SLC24A3: variants seen among roughly 807,000 people sequenced by gnomAD.
SLC24A3 encodes the protein solute carrier family 24 member 3, also known as sodium/potassium/calcium exchanger 3.
A neutral mutation model predicts 75.8 loss-of-function variants in SLC24A3; 28 were observed. The observed-to-expected ratio is 0.37, with a 90% CI of 0.27 to 0.51. SLC24A3 has a LOEUF of 0.51. SLC24A3 is among the 20% of genes least tolerant of loss of function. The pLI, the probability that SLC24A3 is intolerant of heterozygous loss-of-function variation, is 0.94. For missense variants in SLC24A3, 663 were observed against 847.8 expected, an observed-to-expected ratio of 0.78 and a Z score of 2.71; for synonymous variants, 372 against 334.1, an observed-to-expected ratio of 1.11 and a Z score of -1.24.
chr20:19,698,564 G>C lies in SLC24A3; in HGVS notation c.1607-4G>C, dbSNP rs931328457. ...CTCTCTTAAGTGACCTCTTGTCCCTGCAGGGATGGGGGACATGGCTGTGTC... is the reference window on the plus strand; with the variant it reads ...CTCTCTTAAGTGACCTCTTGTCCCTCCAGGGATGGGGGACATGGCTGTGTC... On this transcript the variant is annotated splice_polypyrimidine_tract_variant and splice_region_variant and intron_variant, in intron 14 of 16. Transcript: ENST00000328041. 1 of 1,572,314 alleles carries C rather than the reference G, an allele frequency of 6.4e-7. No homozygotes were observed. Among genetic ancestry groups the C allele is most frequent in the South Asian group, 1.2e-5 (1 of 86,110 alleles).
chr20:19,519,049 C>T (rs770799222), intron 3 of SLC24A3, among the ~76,000 whole-genome samples: 3 of 152,170 alleles, frequency 2.0e-5, no homozygotes, highest in Non-Finnish European at 4.4e-5. Flanking sequence ...CAAGAGAGGG[C>T]CATGGGGCTG....
chr20:19,680,542 A>G (rs1331471573), intron 9 of SLC24A3, among the ~76,000 whole-genome samples: 2 of 152,080 alleles, frequency 1.3e-5, no homozygotes, highest in Non-Finnish European at 2.9e-5. Context: ...TGCATCCATT[A>G]TTTCGTTTGG....
At chr20:19,414,402 A>C (rs1397309755) in intron 2 of SLC24A3, among the ~76,000 whole-genome samples, 2 of 152,236 alleles carry the variant, frequency 1.3e-5, no homozygotes, top group Non-Finnish European at 2.9e-5. Flanking sequence ...CAAAGAGTCA[A>C]AGTGCACCAA....
intron 1 of SLC24A3, among the ~76,000 whole-genome samples, chr20:19,245,953 TTAAGG>T (rs1982473914): frequency 6.6e-6 from 1 of 152,112 alleles, no homozygotes; most frequent in Admixed American, 6.5e-5. Context: ...AATAAAGTCT[TTAAGG>T]TATAGAAGAT....
At chr20:19,571,887 T>G (rs1335474272) in intron 3 of SLC24A3, among the ~76,000 whole-genome samples, 1 of 152,190 alleles carries the variant, frequency 6.6e-6, no homozygotes, top group Non-Finnish European at 1.5e-5. Context: ...CCCTTCACAA[T>G]CTTCCTTAAC....
intron 1 of SLC24A3, among the ~76,000 whole-genome samples, chr20:19,223,142 A>T (rs1359840585): frequency 6.6e-6 from 1 of 152,066 alleles, no homozygotes; most frequent in Non-Finnish European, 1.5e-5. Flanking sequence ...AAAATACAAA[A>T]TTAACTGGGT....
chr20:19,484,782 C>A (rs73275253), intron 2 of SLC24A3, among the ~76,000 whole-genome samples: 3,504 of 152,204 alleles, frequency 0.023, 149 homozygotes, highest in African/African-American at 0.078. Context: ...CATGAATATA[C>A]TTTAGACTAC....
At chr20:19,325,997 G>C (rs1984851664) in intron 2 of SLC24A3, among the ~76,000 whole-genome samples, 1 of 151,902 alleles carries the variant, frequency 6.6e-6, no homozygotes, top group Admixed American at 6.6e-5. Context: ...CATGAGGTCA[G>C]GTGTGGTATT....
intron 2 of SLC24A3, among the ~76,000 whole-genome samples, chr20:19,454,244 G>T (rs1208489760): frequency 3.9e-5 from 6 of 152,166 alleles, no homozygotes; most frequent in African/African-American, 1.4e-4. Flanking sequence ...GAGTAGCCGG[G>T]GAAGACCCAT....
chr20:19,457,360 A>C (rs1987596244), intron 2 of SLC24A3, among the ~76,000 whole-genome samples: 1 of 152,232 alleles, frequency 6.6e-6, no homozygotes, highest in South Asian at 2.1e-4. Context: ...GGTCATTTTC[A>C]AGGAACATTT....
intron 2 of SLC24A3, among the ~76,000 whole-genome samples, chr20:19,462,317 T>C (rs1173423066): frequency 6.6e-6 from 1 of 151,498 alleles, no homozygotes; most frequent in Non-Finnish European, 1.5e-5. Flanking sequence ...TGGAGTGCAG[T>C]GGCACGATCT....
At chr20:19,481,650 A>G (rs1195149020) in intron 2 of SLC24A3, among the ~76,000 whole-genome samples, 1 of 152,090 alleles carries the variant, frequency 6.6e-6, no homozygotes, top group Admixed American at 6.5e-5. Flanking sequence ...GGATGAGCAG[A>G]GTTTGATGTT....
intron 9 of SLC24A3, among the ~76,000 whole-genome samples, chr20:19,677,298 A>AAG (rs1382033425): frequency 1.3e-5 from 2 of 151,992 alleles, no homozygotes; most frequent in African/African-American, 4.8e-5. Context: ...CGTTCCAAAA[A>AAG]AAAAAAAAAA....
chr20:19,714,544 C>T (rs1353428490), intron 15 of SLC24A3, among the ~76,000 whole-genome samples: 1 of 152,118 alleles, frequency 6.6e-6, no homozygotes, highest in Non-Finnish European at 1.5e-5. Context: ...CTGCCTGTCA[C>T]ATCCTGGTGG....
chr20:19,389,228 C>G (rs1986326023), intron 2 of SLC24A3, among the ~76,000 whole-genome samples: 2 of 152,012 alleles, frequency 1.3e-5, no homozygotes, highest in Admixed American at 1.3e-4. Context: ...TGTCTTTTAA[C>G]TGTTACACTG....
chr20:19,371,921 A>C (rs981654522), intron 2 of SLC24A3, among the ~76,000 whole-genome samples: 1 of 152,068 alleles, frequency 6.6e-6, no homozygotes, highest in African/African-American at 2.4e-5. Flanking sequence ...GCTTCCTCAG[A>C]CTTCTCTGTG....
At chr20:19,534,174 G>T (rs925915738) in intron 3 of SLC24A3, among the ~76,000 whole-genome samples, 4 of 152,250 alleles carry the variant, frequency 2.6e-5, no homozygotes, top group African/African-American at 4.8e-5. Flanking sequence ...TGTAAATATA[G>T]AATGTTGGCA....
chr20:19,657,123 C>A (rs893157339), intron 7 of SLC24A3, among the ~76,000 whole-genome samples: 2 of 152,206 alleles, frequency 1.3e-5, no homozygotes, highest in Non-Finnish European at 2.9e-5. Context: ...TGATTCTTTG[C>A]TGTTACCTGA....
At chr20:19,241,328 G>T (rs1982320575) in intron 1 of SLC24A3, among the ~76,000 whole-genome samples, 1 of 152,198 alleles carries the variant, frequency 6.6e-6, no homozygotes, top group East Asian at 1.9e-4. Flanking sequence ...GAGGCCCCAG[G>T]GTTTGTGCAC....
Sources: gnomAD v4.1 joint callset for allele counts (sites outside exome capture counted in the v4.1 genomes callset) on GRCh38, gnomAD v4.1.1 for gene constraint, MANE v1.5 for transcripts, NCBI Gene and HGNC (gene_info 2026-07-23, HGNC 2026-07-21) for gene names.